The following KIAA2012 variants were observed in gnomAD, a reference collection of about 807,000 sequenced individuals.
KIAA2012 encodes the protein uncharacterized protein KIAA2012.
In KIAA2012, 125 loss-of-function variants were observed where a neutral mutation model predicts 150.6. The ratio of observed to expected loss-of-function variants is 0.83; its 90% CI spans 0.72 to 0.96. The LOEUF (loss-of-function observed/expected upper bound fraction) is 0.96. Ranked by LOEUF, KIAA2012 falls within the 40% of genes least tolerant of loss-of-function variation. KIAA2012 has a pLI of 0.00. For missense variants in KIAA2012, 1,219 were observed against 1,354.9 expected, an observed-to-expected ratio of 0.90 and a Z score of 1.57; for synonymous variants, 462 against 504.7, an observed-to-expected ratio of 0.92 and a Z score of 1.13.
intron 2 of KIAA2012, among the ~76,000 whole-genome samples, chr2:202,082,369 A>G (rs1207448275): frequency 1.3e-5 from 2 of 152,100 alleles, no homozygotes; most frequent in African/African-American, 4.8e-5. Flanking sequence ...TCTCTCTCTC[A>G]AAGAGAGATA....
rs761938584 is a variant in KIAA2012, at chr2:202,097,610, G to C, written c.828+33G>C. On this transcript the variant is annotated intron_variant, in intron 5 of 23. Coordinates refer to ENST00000498697, the MANE Select transcript of KIAA2012 (RefSeq NM_001277372.4). ...TTCTTTTTTTTTTTTTTTTCCCCGA[G>C]ACGGAGTCTCACTCTGTCACCCAGG... 1,352 of 1,535,266 alleles carry C rather than the reference G, an allele frequency of 8.8e-4. 4 individuals are homozygous for C. The highest frequency in any genetic ancestry group is 1.1e-3 in the Non-Finnish European group (1,303 of 1,142,930).
intron 13 of KIAA2012, among the ~76,000 whole-genome samples, chr2:202,144,197 C>G (rs1428572751): frequency 6.6e-6 from 1 of 152,078 alleles, no homozygotes; most frequent in Non-Finnish European, 1.5e-5. Context: ...TGTTTTGTTG[C>G]TTTGTGGGGC....
intron 2 of KIAA2012, among the ~76,000 whole-genome samples, chr2:202,075,678 T>G (rs1689309812): frequency 6.6e-6 from 1 of 152,200 alleles, no homozygotes; most frequent in Non-Finnish European, 1.5e-5. Context: ...GGAAAACACC[T>G]GTGTTCATTT....
At chr2:202,106,237 C>A (rs181576849) in intron 9 of KIAA2012, among the ~76,000 whole-genome samples, 1 of 152,320 alleles carries the variant, frequency 6.6e-6, no homozygotes, top group East Asian at 1.9e-4. Context: ...ATTACTTACT[C>A]CCTAACTCAT....
At chr2:202,157,091 T>G (rs1691544613) in intron 14 of KIAA2012, among the ~76,000 whole-genome samples, 1 of 152,150 alleles carries the variant, frequency 6.6e-6, no homozygotes, top group South Asian at 2.1e-4. Context: ...AAATGGCAAC[T>G]CAGCCTGCTT....
At chr2:202,085,306 C>T (rs761945869) in intron 2 of KIAA2012, among the ~76,000 whole-genome samples, 2 of 152,064 alleles carry the variant, frequency 1.3e-5, no homozygotes, top group Non-Finnish European at 2.9e-5. Flanking sequence ...TCAAGGTTGC[C>T]GATGGAATTA....
chr2:202,169,498 A>C (rs541393799), intron 15 of KIAA2012, among the ~76,000 whole-genome samples: 2 of 152,346 alleles, frequency 1.3e-5, no homozygotes, highest in African/African-American at 4.8e-5. Context: ...CTGATGGGGA[A>C]GGAGGACACT....
At chr2:202,121,290 C>T (rs958395818) in intron 11 of KIAA2012, among the ~76,000 whole-genome samples, 2 of 151,708 alleles carry the variant, frequency 1.3e-5, no homozygotes, top group African/African-American at 2.4e-5. Flanking sequence ...CTTTTTGCGT[C>T]TCTTGTTTTA....
intron 13 of KIAA2012, among the ~76,000 whole-genome samples, chr2:202,144,433 G>A (rs7583099): frequency 1.3e-5 from 2 of 152,034 alleles, no homozygotes; most frequent in East Asian, 3.9e-4. Flanking sequence ...TGTGTTTACC[G>A]CCATCTGTTT....
chr2:202,074,813 A>C, intron 1 of KIAA2012, 78 bp from the exon 2 acceptor site: 1 of 1,412,700 alleles, frequency 7.1e-7, no homozygotes, highest in South Asian at 1.5e-5. Context: ...AAAAATGCCG[A>C]AGGCTTTGCA....
intron 14 of KIAA2012, among the ~76,000 whole-genome samples, chr2:202,163,140 G>A (rs1467747725): frequency 8.9e-6 from 1 of 112,634 alleles, no homozygotes; most frequent in Non-Finnish European, 1.7e-5. Flanking sequence ...GTCTTGCTCT[G>A]TTTCCCAGGC....
chr2:202,088,865 C>T (rs982232917), intron 2 of KIAA2012, among the ~76,000 whole-genome samples: 2 of 152,148 alleles, frequency 1.3e-5, no homozygotes, highest in Admixed American at 6.5e-5. Context: ...ACTCTCCATT[C>T]CCTCTACCAC....
At chr2:202,198,351 G>A (rs879850209) in intron 22 of KIAA2012, among the ~76,000 whole-genome samples, 1 of 152,058 alleles carries the variant, frequency 6.6e-6, no homozygotes, top group Admixed American at 6.6e-5. Context: ...AAATACAAAG[G>A]TCTGAAGAAA....
chr2:202,099,657 G>A lies in KIAA2012; in HGVS notation c.873G>A (p.Glu291=), dbSNP rs2882486. ...ENHLCLYASK[E]SYNEKTQQTS... ...ACCTTTGTTTATATGCTTCAAAGGA[G>A]AGCTACAATGAAAAGACACAGCAAA... is the stretch of plus-strand genomic sequence containing the variant. Residue 291 remains glutamate (E), a synonymous_variant, in exon 6 of 24, where the codon GAG becomes GAA. Transcript: ENST00000498697. 817,093 of 1,549,566 alleles carry A rather than the reference G, an allele frequency of 0.53. 218,737 individuals carry two copies. The highest frequency in any genetic ancestry group is 0.59 in the African/African-American group (43,168 of 73,038).
chr2:202,124,812 G>A (rs755575449), intron 11 of KIAA2012, among the ~76,000 whole-genome samples: 3 of 152,212 alleles, frequency 2.0e-5, no homozygotes, highest in Admixed American at 6.5e-5. Flanking sequence ...GCTCACGCCT[G>A]TAATCCCAGC....
chr2:202,190,584 C>A (rs1221093283), intron 19 of KIAA2012, 91 bp downstream of exon 19: 10 of 998,480 alleles, frequency 1.0e-5, no homozygotes, highest in Non-Finnish European at 5.8e-6. Flanking sequence ...AATTATATTG[C>A]ACTTACTAAA....
chr2:202,168,327 G>A (rs1481595232), intron 15 of KIAA2012, among the ~76,000 whole-genome samples: 2 of 151,024 alleles, frequency 1.3e-5, no homozygotes, highest in African/African-American at 4.9e-5. Flanking sequence ...GCTGAGGCAG[G>A]AGAATCACTT....
chr2:202,183,108 A>G (rs1692153856), intron 15 of KIAA2012, among the ~76,000 whole-genome samples: 1 of 152,100 alleles, frequency 6.6e-6, no homozygotes, highest in South Asian at 2.1e-4. Context: ...ACCCTTCCTC[A>G]TATCCTCATA....
At chr2:202,151,139 G>A (rs967294151) in intron 13 of KIAA2012, among the ~76,000 whole-genome samples, 2 of 152,108 alleles carry the variant, frequency 1.3e-5, no homozygotes, top group African/African-American at 4.8e-5. Context: ...GCTCACTCCT[G>A]TAATCTCAGC....
Sources: allele counts gnomAD v4.1 joint callset (sites outside exome capture counted in the v4.1 genomes callset), GRCh38; gene constraint gnomAD v4.1.1; transcripts MANE v1.5; gene names NCBI Gene and HGNC (gene_info 2026-07-23, HGNC 2026-07-21).